Variants in PAPPA2 observed in about 807,000 individuals in gnomAD.
PAPPA2 encodes pappalysin 2.
In PAPPA2, 86 loss-of-function variants were observed where a neutral mutation model predicts 176.4. The observed-to-expected ratio is 0.49, with a 90% CI of 0.41 to 0.58. The LOEUF (loss-of-function observed/expected upper bound fraction) is 0.58, where lower values mean the gene tolerates loss of function less well. Among genes scored for constraint, PAPPA2 ranks in the 20% least tolerant of loss-of-function variants. The probability of loss-of-function intolerance (pLI) is 0.00; values close to 1 mark genes in which losing one functional copy is unlikely to be tolerated. For missense variants in PAPPA2, 2,073 were observed against 2,256.9 expected, an observed-to-expected ratio of 0.92 and a Z score of 1.65; for synonymous variants, 809 against 852.2, an observed-to-expected ratio of 0.95 and a Z score of 0.88.
chr1:176,534,599 G>A (rs562561325), intron 1 of PAPPA2, among the ~76,000 whole-genome samples: 2 of 152,330 alleles, frequency 1.3e-5, no homozygotes, highest in Admixed American at 6.5e-5. Context: ...ATCTTACTTA[G>A]GACTGCTAAC....
chr1:176,490,051 G>A (rs1359878157), intron 1 of PAPPA2, among the ~76,000 whole-genome samples: 1 of 152,090 alleles, frequency 6.6e-6, no homozygotes, highest in Non-Finnish European at 1.5e-5. Flanking sequence ...GTCATTATTA[G>A]AACAGATTAG....
At chr1:176,771,464 G>T (rs1463609615) in intron 17 of PAPPA2, among the ~76,000 whole-genome samples, 2 of 152,176 alleles carry the variant, frequency 1.3e-5, no homozygotes, top group Non-Finnish European at 2.9e-5. Flanking sequence ...CTCTGTGCCT[G>T]CATATACTCA....
intron 3 of PAPPA2, among the ~76,000 whole-genome samples, chr1:176,653,913 G>T (rs771108243): frequency 6.6e-6 from 1 of 151,692 alleles, no homozygotes; most frequent in African/African-American, 2.4e-5. Context: ...TGCCAATTCT[G>T]CTGGATTTCT....
chr1:176,510,844 C>T (rs1648561349), intron 1 of PAPPA2, among the ~76,000 whole-genome samples: 1 of 150,448 alleles, frequency 6.6e-6, no homozygotes, highest in African/African-American at 2.5e-5. Flanking sequence ...CACACACACA[C>T]ACACATACCC....
intron 12 of PAPPA2, among the ~76,000 whole-genome samples, chr1:176,716,348 C>CGA (rs1220966454): frequency 6.6e-6 from 1 of 150,874 alleles, no homozygotes; most frequent in Non-Finnish European, 1.5e-5. Context: ...CGGGTTCAAG[C>CGA]GATTCTCCTG....
chr1:176,559,184 T>C (rs1651516133), intron 2 of PAPPA2, among the ~76,000 whole-genome samples: 1 of 152,094 alleles, frequency 6.6e-6, no homozygotes, highest in Non-Finnish European at 1.5e-5. Context: ...CTGAACTCTT[T>C]TAACCGTAAG....
intron 1 of PAPPA2, among the ~76,000 whole-genome samples, chr1:176,541,899 G>T (rs144504843): frequency 9.2e-5 from 14 of 152,314 alleles, no homozygotes; most frequent in Admixed American, 7.8e-4. Flanking sequence ...TGGAGCTGTT[G>T]TAGTCATGCT....
chr1:176,630,352 T>C (rs1656272962), intron 3 of PAPPA2, among the ~76,000 whole-genome samples: 1 of 152,174 alleles, frequency 6.6e-6, no homozygotes, highest in Admixed American at 6.5e-5. Flanking sequence ...AAGAAGTTTG[T>C]ACAAAAGCAC....
intron 1 of PAPPA2, among the ~76,000 whole-genome samples, chr1:176,523,957 G>A (rs778034949): frequency 6.6e-6 from 1 of 152,136 alleles, no homozygotes; most frequent in Non-Finnish European, 1.5e-5. Context: ...TCATACAATT[G>A]ATTGCCACCC....
At chr1:176,619,683 T>G (rs1159440042) in intron 3 of PAPPA2, among the ~76,000 whole-genome samples, 1 of 152,220 alleles carries the variant, frequency 6.6e-6, no homozygotes, top group Non-Finnish European at 1.5e-5. Context: ...TGAATAACTG[T>G]TCTTAGTGCT....
At chr1:176,565,714 T>G (rs991952123) in intron 2 of PAPPA2, among the ~76,000 whole-genome samples, 50 of 152,280 alleles carry the variant, frequency 3.3e-4, no homozygotes, top group Middle Eastern at 3.4e-3. Flanking sequence ...AAAATGGGCT[T>G]CTGCGACATC....
At chr1:176,575,866 T>C (rs542574755) in intron 2 of PAPPA2, among the ~76,000 whole-genome samples, 57 of 152,362 alleles carry the variant, frequency 3.7e-4, no homozygotes, top group Middle Eastern at 3.4e-3. Context: ...TATTATTTTA[T>C]ACCATTTGGG....
intron 1 of PAPPA2, among the ~76,000 whole-genome samples, chr1:176,535,763 T>G (rs1650038142): frequency 6.6e-6 from 1 of 152,210 alleles, no homozygotes; most frequent in South Asian, 2.1e-4. Flanking sequence ...AGTTTTCTCA[T>G]GTATATATTG....
At chr1:176,524,409 A>T (rs1649369967) in intron 1 of PAPPA2, among the ~76,000 whole-genome samples, 1 of 152,192 alleles carries the variant, frequency 6.6e-6, no homozygotes, top group Non-Finnish European at 1.5e-5. Context: ...GCACATTTTA[A>T]TGAATTTTTT....
At position 176,692,212 on chromosome 1, in the gene PAPPA2, A is replaced by C; in HGVS notation, c.2518A>C (p.Ser840Arg). 1 of 1,614,106 alleles carries C rather than the reference A, an allele frequency of 6.2e-7. No individual in the cohort carries two copies. ...CCTAGTCTATCAGCAGTGGACTGAA[A>C]GCAGAAAGCCCACCCCCATCCCCAT... The part of the protein sequence containing the change: ...LDLVYQQWTE[S>R]RKPTPIPIPP... Residue 840 changes from serine to arginine, a missense_variant, in exon 6 of 23, where the codon AGC (serine) becomes CGC (arginine). Ser to Arg is a moderately radical substitution (Grantham distance 110). Coordinates refer to ENST00000367662, the MANE Select transcript of PAPPA2 (RefSeq NM_020318.3).
chr1:176,569,112 A>G (rs1254904333), intron 2 of PAPPA2, among the ~76,000 whole-genome samples: 2 of 152,210 alleles, frequency 1.3e-5, no homozygotes, highest in Non-Finnish European at 2.9e-5. Flanking sequence ...GCACATCCAT[A>G]TGTACACACG....
chr1:176,768,857 A>G (rs751356221), intron 15 of PAPPA2, among the ~76,000 whole-genome samples: 1 of 152,186 alleles, frequency 6.6e-6, no homozygotes, highest in Admixed American at 6.5e-5. Flanking sequence ...TCTCAGCACC[A>G]TTCTCAGTGG....
intron 4 of PAPPA2, among the ~76,000 whole-genome samples, chr1:176,685,446 T>C (rs916342068): frequency 6.6e-6 from 1 of 152,194 alleles, no homozygotes; most frequent in African/African-American, 2.4e-5. Context: ...CTTCTGCCCA[T>C]TGGTGCAGGT....
chr1:176,602,436 C>T (rs1654381275), intron 3 of PAPPA2, among the ~76,000 whole-genome samples: 1 of 152,080 alleles, frequency 6.6e-6, no homozygotes, highest in Admixed American at 6.5e-5. Context: ...TCAAAGGGAA[C>T]AGGTGAAGAA....
Sources: allele counts gnomAD v4.1 joint callset (sites outside exome capture counted in the v4.1 genomes callset), GRCh38; gene constraint gnomAD v4.1.1; transcripts MANE v1.5; gene names NCBI Gene and HGNC (gene_info 2026-07-23, HGNC 2026-07-21).